The following SORL1 variants were observed in gnomAD, a reference collection of about 807,000 sequenced individuals.
SORL1 encodes the protein sortilin-related receptor.
SORL1 carries 127 observed loss-of-function variants against 273.7 expected under a neutral mutation model. The observed-to-expected ratio is 0.46, with a 90% CI of 0.40 to 0.54. The LOEUF (loss-of-function observed/expected upper bound fraction) is 0.54. Ranked by LOEUF, SORL1 falls within the 20% of genes least tolerant of loss-of-function variation. SORL1 has a pLI of 0.00. For synonymous variants in SORL1, 1,031 were observed against 1,067.4 expected (o/e 0.97, Z 0.66); for missense variants, 2,494 against 2,846.1 (o/e 0.88, Z 2.81).
intron 35 of SORL1, 23 bp from the exon 36 acceptor site, chr11:121,606,822 C>T (rs1483543880): frequency 7.2e-7 from 1 of 1,398,304 alleles, no homozygotes; most frequent in African/African-American, 1.5e-5. Flanking sequence ...TGGGTTTTAA[C>T]CTTGAGTTGA....
chr11:121,574,459 C>A, intron 24 of SORL1, 96 bp downstream of exon 24: 1 of 1,149,772 alleles, frequency 8.7e-7, no homozygotes, highest in Non-Finnish European at 1.3e-6. Flanking sequence ...TTTCTGATAG[C>A]CGTCTCAGGA....
intron 3 of SORL1, 108 bp downstream of exon 3, chr11:121,478,351 G>A: frequency 7.9e-7 from 1 of 1,272,750 alleles, no homozygotes; most frequent in Non-Finnish European, 1.1e-6. Context: ...GATCTTTGTA[G>A]CATGACTGGT....
chr11:121,543,566 G>C lies in SORL1; in HGVS notation c.1704G>C (p.Gly568=), dbSNP rs1388075782. The stretch of plus-strand genomic sequence containing the variant: ...TGGGCAGATACAGTACCAATGAAGG[G>C]GAGACCTGGAAAACATTCATCTTCT... The part of the protein sequence containing the change: ...TNELKYSTNE[G]ETWKTFIFSE... The change falls in exon 13 of 48, where the codon GGG becomes GGC. Residue 568 remains glycine (G), a synonymous_variant. Transcript: ENST00000260197. The C allele has an allele frequency of 6.2e-7, 1 of 1,613,844 alleles. No individual in the cohort carries two copies. The highest frequency in any genetic ancestry group is 1.3e-5 in the African/African-American group (1 of 74,916).
At chr11:121,546,537 G>A (rs1274212697) in intron 14 of SORL1, among the ~76,000 whole-genome samples, 1 of 152,176 alleles carries the variant, frequency 6.6e-6, no homozygotes, top group Non-Finnish European at 1.5e-5. Flanking sequence ...GGTTGCTGAG[G>A]CACAGAGGAA....
intron 12 of SORL1, among the ~76,000 whole-genome samples, chr11:121,536,427 G>GT (rs1222441901): frequency 0.011 from 1,402 of 128,614 alleles, 19 homozygotes; most frequent in South Asian, 0.03. Flanking sequence ...TTATCACTGT[G>GT]TTTTTTTTTT....
chr11:121,545,819 A>G (rs148872753), intron 14 of SORL1, among the ~76,000 whole-genome samples: 130 of 152,280 alleles, frequency 8.5e-4, no homozygotes, highest in Middle Eastern at 3.4e-3. Flanking sequence ...TAGTGTGTGT[A>G]TATGTGTGTG....
Position 121,520,694 on chromosome 11 carries a change from G to A in SORL1, c.1249G>A (p.Val417Met). ...TGAACCATTTGCTGACTTCCACCGA[G>A]TGGAAGGATTGCAAGGAGTCTACAT... ...ANEPFADFHR[V>M]EGLQGVYIAT... is the part of the protein sequence containing the mutation. The change falls in exon 9 of 48, where the codon GTG (valine) becomes ATG (methionine). Residue 417 changes from valine (V) to methionine (M), a missense_variant. Physicochemically the swap from Val to Met is conservative, Grantham distance 21 (BLOSUM62 1). Transcript: ENST00000260197. 1 of 1,592,816 alleles carries A rather than the reference G, an allele frequency of 6.3e-7. No individual in the cohort carries two copies. Among genetic ancestry groups the A allele is most frequent in the Non-Finnish European group, 8.5e-7 (1 of 1,171,508 alleles).
chr11:121,586,403 T>C, intron 27 of SORL1, 74 bp downstream of exon 27: 1 of 1,090,952 alleles, frequency 9.2e-7, no homozygotes, highest in Non-Finnish European at 1.4e-6. Context: ...TTGGACTAAA[T>C]CCTTTCATTT....
At chr11:121,546,210 GA>G (rs1428970045) in intron 14 of SORL1, among the ~76,000 whole-genome samples, 1 of 152,160 alleles carries the variant, frequency 6.6e-6, no homozygotes, top group Non-Finnish European at 1.5e-5. Flanking sequence ...AGATGAGGCT[GA>G]AAAGATAGAA....
In SORL1 at chr11:121,543,607, T is replaced by C; in HGVS notation, c.1745T>C (p.Phe582Ser). The C allele has an allele frequency of 6.2e-7, 1 of 1,614,076 alleles. No homozygotes were observed. The highest frequency in any genetic ancestry group is 8.5e-7 in the Non-Finnish European group (1 of 1,179,916). ...KTFIFSEKPV[F>S]VYGLLTEPGE... is the part of the protein sequence containing the mutation. ...TTCATCTTCTCTGAGAAGCCAGTGTTTGTGTATGGCCTCCTCACAGAACCT... is the reference window on the plus strand; with the variant it reads ...TTCATCTTCTCTGAGAAGCCAGTGTCTGTGTATGGCCTCCTCACAGAACCT... Residue 582 changes from phenylalanine (F) to serine (S), a missense_variant, in exon 13 of 48, where the codon TTT becomes TCT. This residue lies in a region of SORL1 where 710 missense variants were observed against 882.5 expected (regional missense o/e 0.80). Coordinates refer to ENST00000260197, the MANE Select transcript of SORL1 (RefSeq NM_003105.6).
intron 13 of SORL1, 28 bp from the exon 14 acceptor site, chr11:121,545,215 G>A (rs376002404): frequency 9.9e-6 from 16 of 1,612,298 alleles, no homozygotes; most frequent in Non-Finnish European, 1.3e-5. Flanking sequence ...TGCCTCTAAT[G>A]CTTCGTGCTG....
rs773321516 is a variant in SORL1 at position 121,557,372 on chromosome 11, G to A, written c.2630G>A (p.Arg877His). Residue 877 changes from arginine (R) to histidine (H), a missense_variant, in exon 19 of 48, where the codon CGT becomes CAT. Physicochemically the swap from Arg to His is conservative, Grantham distance 29. This residue lies in a region of SORL1 where 1,609 missense variants were observed against 1,816.4 expected (regional missense o/e 0.89). Coordinates refer to ENST00000260197, the MANE Select transcript of SORL1 (RefSeq NM_003105.6). ...ATCGTCAATTCCTCTGTGCTTGATC[G>A]TCCCAGGGCTCTGGTCCTCGTGCCC... ...LTIVNSSVLD[R>H]PRALVLVPQE... 41 of 1,613,972 alleles carry A rather than the reference G, an allele frequency of 2.5e-5. No individual in the cohort carries two copies. Among genetic ancestry groups the A allele is most frequent in the Middle Eastern group, 1.6e-4 (1 of 6,084 alleles).
chr11:121,559,981 T>C (rs1862647302), intron 21 of SORL1, among the ~76,000 whole-genome samples: 1 of 152,206 alleles, frequency 6.6e-6, no homozygotes, highest in Non-Finnish European at 1.5e-5. Flanking sequence ...TAATCCCTGT[T>C]TGGCATGCTT....
chr11:121,576,123 G>A (rs1215182270), intron 24 of SORL1, among the ~76,000 whole-genome samples: 1 of 152,242 alleles, frequency 6.6e-6, no homozygotes, highest in East Asian at 1.9e-4. Flanking sequence ...AACTCCATGT[G>A]AAAGTTCTAT....
chr11:121,590,140 C>A lies in SORL1; in HGVS notation c.4179C>A (p.Asp1393Glu). 6.2e-7 allele frequency: 1 copy of A among 1,614,178 alleles called. No individual in the cohort carries two copies. Among genetic ancestry groups the A allele is most frequent in the Non-Finnish European group, 8.5e-7 (1 of 1,180,020 alleles). ...PNRWKCDREN[D>E]CGDWSDEKDC... The stretch of plus-strand genomic sequence containing the variant: ...GATGGAAATGTGACAGGGAGAACGA[C>A]TGTGGGGACTGGTCTGATGAGAAGG... The change falls in exon 30 of 48, where the codon GAC becomes GAA. Residue 1393 changes from aspartate (D) to glutamate (E), a missense_variant. By Grantham distance (45) the Asp-to-Glu change is conservative. Transcript: ENST00000260197.
At position 121,545,262 on chromosome 11, in the gene SORL1, T is replaced by C; in HGVS notation, c.1884T>C (p.Asn628=). The change falls in exon 14 of 48, where the codon AAT becomes AAC. Residue 628 remains asparagine (N), a synonymous_variant. Coordinates refer to ENST00000260197, the MANE Select transcript of SORL1 (RefSeq NM_003105.6). ...CTTTAGGAGTTCCCTGCACAGAGAA[T>C]GACTACAAGCTGTGGTCACCATCTG... ...TDALGVPCTE[N]DYKLWSPSDE... is the part of the protein sequence containing the mutation. 1 of 1,614,154 alleles carries C rather than the reference T, an allele frequency of 6.2e-7. No homozygotes were observed. The highest frequency in any genetic ancestry group is 8.5e-7 in the Non-Finnish European group (1 of 1,180,004).
intron 4 of SORL1, 139 bp from the exon 5 acceptor site, chr11:121,489,904 G>A (rs1861527044): frequency 6.2e-6 from 4 of 648,408 alleles, no homozygotes. Flanking sequence ...TGGAGCAACT[G>A]AGCTGGCTTT....
Position 121,614,933 on chromosome 11 carries a change from G to A in SORL1, c.5482G>A (p.Asp1828Asn), listed in dbSNP as rs1565355429. Residue 1828 changes from aspartate to asparagine, a missense_variant, in exon 41 of 48, where the codon GAT (aspartate) becomes AAT (asparagine). By Grantham distance (23) the Asp-to-Asn change is conservative. This residue lies in a region of SORL1 where 1,609 missense variants were observed against 1,816.4 expected (regional missense o/e 0.89). Transcript: ENST00000260197. Reference protein sequence around the residue: ...ISAWAKTDLGDSPLAFEHVMT... With the variant: ...ISAWAKTDLGNSPLAFEHVMT... ...TGCCTGGGCCAAGACTGACTTGGGG[G>A]ATAGCCCTCTGGCATTTGAGCATGT... 1 of 1,613,398 alleles carries A rather than the reference G, an allele frequency of 6.2e-7. No homozygotes were observed. Among genetic ancestry groups the A allele is most frequent in the Admixed American group, 1.7e-5 (1 of 59,898 alleles).
At chr11:121,606,099 T>C (rs1362208784) in intron 35 of SORL1, among the ~76,000 whole-genome samples, 1 of 152,170 alleles carries the variant, frequency 6.6e-6, no homozygotes, top group Non-Finnish European at 1.5e-5. Context: ...GCTTTTTGTA[T>C]TTTTGTACAG....
Sources: allele counts gnomAD v4.1 joint callset (sites outside exome capture counted in the v4.1 genomes callset), GRCh38; gene constraint gnomAD v4.1.1; regional missense constraint gnomAD v4.1.1; transcripts MANE v1.5; gene names NCBI Gene and HGNC (gene_info 2026-07-23, HGNC 2026-07-21).